Variants in PPP4R3B observed in about 807,000 individuals in gnomAD.
PPP4R3B encodes the protein serine/threonine-protein phosphatase 4 regulatory subunit 3B.
A neutral mutation model predicts 95.4 loss-of-function variants in PPP4R3B; 52 were observed. The ratio of observed to expected loss-of-function variants is 0.54; its 90% CI spans 0.44 to 0.69. The LOEUF (loss-of-function observed/expected upper bound fraction) is 0.69. Among genes scored for constraint, PPP4R3B ranks in the 30% least tolerant of loss-of-function variants. The probability of loss-of-function intolerance (pLI) is 0.00; values close to 1 mark genes in which losing one functional copy is unlikely to be tolerated. For synonymous variants in PPP4R3B, 407 were observed against 343.9 expected (o/e 1.18, Z -2.03); for missense variants, 1,003 against 1,005.9 (o/e 1.00, Z 0.04).
chr2:55,581,942 G>A (rs1689502699), intron 7 of PPP4R3B, among the ~76,000 whole-genome samples: 1 of 150,558 alleles, frequency 6.6e-6, no homozygotes, highest in Non-Finnish European at 1.5e-5. Flanking sequence ...ACCCACAAAA[G>A]CAGAGCATGC....
chr2:55,598,024 T>G (rs1164723518), intron 4 of PPP4R3B, among the ~76,000 whole-genome samples: 2 of 151,732 alleles, frequency 1.3e-5, no homozygotes, highest in African/African-American at 4.8e-5. Context: ...TCAACACCAG[T>G]CTGGGCAACA....
At chr2:55,575,601 A>C (rs1342245760) in intron 11 of PPP4R3B, among the ~76,000 whole-genome samples, 1 of 152,040 alleles carries the variant, frequency 6.6e-6, no homozygotes, top group Admixed American at 6.6e-5. Context: ...ATATACCACC[A>C]TGCCCAGTAT....
At chr2:55,596,021 A>C (rs1691729125) in intron 4 of PPP4R3B, among the ~76,000 whole-genome samples, 1 of 152,234 alleles carries the variant, frequency 6.6e-6, no homozygotes, top group Non-Finnish European at 1.5e-5. Context: ...TTAACATGAT[A>C]AATATAGTAT....
intron 16 of PPP4R3B, among the ~76,000 whole-genome samples, chr2:55,550,512 T>C (rs1685130599): frequency 6.6e-6 from 1 of 152,188 alleles, no homozygotes; most frequent in Admixed American, 6.5e-5. Context: ...AAATAATAAG[T>C]AAAACATTTA....
At chr2:55,568,004 G>A (rs1558963697) in intron 13 of PPP4R3B, 190 bp downstream of exon 13, 3 of 329,468 alleles carry the variant, frequency 9.1e-6, no homozygotes, top group Non-Finnish European at 1.1e-5. Context: ...ATAACCATGT[G>A]GCAAATAAGA....
At chr2:55,612,959 A>AAC (rs1553486031) in intron 2 of PPP4R3B, among the ~76,000 whole-genome samples, 1 of 151,696 alleles carries the variant, frequency 6.6e-6, no homozygotes. Flanking sequence ...AAAAAAAAAA[A>AAC]AATTAGTCAA....
chr2:55,581,424 A>T (rs1689428647), intron 8 of PPP4R3B, 143 bp downstream of exon 8: 2 of 871,484 alleles, frequency 2.3e-6, no homozygotes, highest in Middle Eastern at 3.6e-4. Flanking sequence ...GTATTTTACC[A>T]CAAATGAATT....
chr2:55,555,791 A>T (rs1685780397), intron 16 of PPP4R3B, among the ~76,000 whole-genome samples: 2 of 152,306 alleles, frequency 1.3e-5, no homozygotes, highest in Admixed American at 1.3e-4. Context: ...GGAAATCTCT[A>T]ATGTCCTGAT....
At chr2:55,580,353 C>T (rs1689288086) in intron 8 of PPP4R3B, among the ~76,000 whole-genome samples, 1 of 152,154 alleles carries the variant, frequency 6.6e-6, no homozygotes, top group South Asian at 2.1e-4. Flanking sequence ...ATTTGTCTCT[C>T]TCTCTCTGCA....
At chr2:55,607,852 G>A (rs1693634756) in intron 2 of PPP4R3B, among the ~76,000 whole-genome samples, 2 of 152,142 alleles carry the variant, frequency 1.3e-5, no homozygotes, top group Non-Finnish European at 2.9e-5. Context: ...ATTACTAACA[G>A]AATGAAATCC....
At chr2:55,592,127 GA>G (rs1231746828) in intron 4 of PPP4R3B, among the ~76,000 whole-genome samples, 1 of 152,040 alleles carries the variant, frequency 6.6e-6, no homozygotes, top group Non-Finnish European at 1.5e-5. Flanking sequence ...CCAAACAAAA[GA>G]AAAAACAGAA....
At chr2:55,551,261 C>T (rs1402397147) in intron 16 of PPP4R3B, among the ~76,000 whole-genome samples, 2 of 151,896 alleles carry the variant, frequency 1.3e-5, no homozygotes, top group Non-Finnish European at 2.9e-5. Context: ...GGCTGAGGGA[C>T]GAGCATCTCT....
chr2:55,593,013 G>C (rs1410675497), intron 4 of PPP4R3B, among the ~76,000 whole-genome samples: 2 of 151,994 alleles, frequency 1.3e-5, no homozygotes, highest in Non-Finnish European at 2.9e-5. Flanking sequence ...ACAAAAATTA[G>C]CCAGGCATGG....
At chr2:55,584,984 C>T (rs1001706333) in intron 7 of PPP4R3B, 67 bp downstream of exon 7, 4 of 1,127,732 alleles carry the variant, frequency 3.5e-6, no homozygotes, top group Admixed American at 2.3e-5. Context: ...TGTTTTTTCT[C>T]TCAATAGTTT....
At chr2:55,555,986 G>A (rs996891095) in intron 16 of PPP4R3B, among the ~76,000 whole-genome samples, 1 of 152,176 alleles carries the variant, frequency 6.6e-6, no homozygotes, top group Admixed American at 6.5e-5. Context: ...GTGTCTTTAT[G>A]ACATTTATAT....
Position 55,604,088 on chromosome 2 carries a change from T to C in PPP4R3B, c.199-12A>G. 1 of 1,579,464 alleles carries C rather than the reference T, an allele frequency of 6.3e-7. No homozygotes were observed. The highest frequency in any genetic ancestry group is 8.6e-7 in the Non-Finnish European group (1 of 1,161,236). Reference sequence around the variant, plus strand: ...ACAATTAATGTATCCTGTTTAAAAATAAATATTTCCATATCATCACACTAG... The same window carrying C: ...ACAATTAATGTATCCTGTTTAAAAACAAATATTTCCATATCATCACACTAG... On this transcript the variant is annotated splice_polypyrimidine_tract_variant and intron_variant, in intron 2 of 16. Transcript: ENST00000616407.
Position 55,581,608 on chromosome 2 carries a change from GA to G in PPP4R3B, c.1323del (p.Arg442ValfsTer3). The G allele has an allele frequency of 6.2e-7, 1 of 1,613,516 alleles. No individual in the cohort carries two copies. The highest frequency in any genetic ancestry group is 8.5e-7 in the Non-Finnish European group (1 of 1,179,724). On this transcript the variant is annotated frameshift_variant, in exon 8 of 17. Transcript: ENST00000616407. LOFTEE classifies it high-confidence loss of function. Reference protein sequence around the residue: ...LGGAVQLMGLLRTLIDPENML... With the variant: ...LGGAVQLMGLXRTLIDPENML... The stretch of plus-strand genomic sequence containing the variant: ...ATGTTCTCTGGATCAATTAGAGTAC[GA>G]AGAAGTCCCATTAACTGAACAGCGC...
intron 16 of PPP4R3B, among the ~76,000 whole-genome samples, chr2:55,558,061 G>C (rs1574673055): frequency 6.6e-6 from 1 of 152,158 alleles, no homozygotes; most frequent in African/African-American, 2.4e-5. Flanking sequence ...ATTATATACT[G>C]TCTCCCCTAC....
chr2:55,559,359 A>G (rs529910074), intron 15 of PPP4R3B, among the ~76,000 whole-genome samples: 12 of 152,306 alleles, frequency 7.9e-5, no homozygotes, highest in African/African-American at 2.4e-4. Context: ...AAAAAACCAA[A>G]AAAACAAAAA....
Sources: gnomAD v4.1 joint callset for allele counts (sites outside exome capture counted in the v4.1 genomes callset) on GRCh38, gnomAD v4.1.1 for gene constraint, MANE v1.5 for transcripts, NCBI Gene and HGNC (gene_info 2026-07-23, HGNC 2026-07-21) for gene names.